Variants in SLC1A3 observed in about 807,000 individuals in gnomAD.
SLC1A3 encodes excitatory amino acid transporter 1.
A neutral mutation model predicts 48.1 loss-of-function variants in SLC1A3; 21 were observed. The observed-to-expected ratio is 0.44, with a 90% CI of 0.31 to 0.63. The LOEUF (loss-of-function observed/expected upper bound fraction) is 0.63. Ranked by LOEUF, SLC1A3 falls within the 20% of genes least tolerant of loss-of-function variation. The pLI is 0.08. For missense variants in SLC1A3, 546 were observed against 689.0 expected, an observed-to-expected ratio of 0.79 and a Z score of 2.32; for synonymous variants, 239 against 251.4, an observed-to-expected ratio of 0.95 and a Z score of 0.47.
At position 36,676,891 on chromosome 5, in the gene SLC1A3, G is replaced by A. The variant is rs755886096; in HGVS notation, c.568-1G>A. The A allele has an allele frequency of 6.2e-7, 1 of 1,611,188 alleles. No individual in the cohort carries two copies. Among genetic ancestry groups the A allele is most frequent in the Non-Finnish European group, 8.5e-7 (1 of 1,178,222 alleles). On this transcript the variant is annotated splice_acceptor_variant, in intron 5 of 9. Coordinates refer to ENST00000265113, the MANE Select transcript of SLC1A3 (RefSeq NM_004172.5). LOFTEE classifies it high-confidence loss of function. ...TCCTCGTTGTGCTTTTTATTTTTAA[G>A]TTTAAAACCAACTATGAGAAGAGAA... is the stretch of plus-strand genomic sequence containing the variant.
In SLC1A3 at chr5:36,606,614, T is replaced by C. The variant is rs1738949293; in HGVS notation, c.-217T>C. On this transcript the variant is annotated 5_prime_UTR_variant, in exon 1 of 10. The change abolishes an upstream ATG in the 5' untranslated region. Coordinates refer to ENST00000265113, the MANE Select transcript of SLC1A3 (RefSeq NM_004172.5). ...TAGTAACTTGCAGTTTCAGAGCACA[T>C]GCACACTGTCAGGGCTAGCCTGCCT... 6.6e-6 allele frequency: 1 copy of C among 152,348 alleles called. No homozygotes were observed. The highest frequency in any genetic ancestry group is 2.1e-4 in the South Asian group (1 of 4,836). The allele number at this position is 152,348 out of a possible 1,614,324, so 9.4% of individuals were successfully genotyped here. A position where few individuals can be genotyped will look rare whatever the true frequency, so the allele number is the denominator to read the frequency against.
At chr5:36,671,283 C>A (rs1463097817) in intron 4 of SLC1A3, 50 bp downstream of exon 4, 2 of 1,322,232 alleles carry the variant, frequency 1.5e-6, no homozygotes, top group African/African-American at 2.9e-5. Context: ...CCATCCAGAC[C>A]CTCTTACTGG....
chr5:36,678,263 G>A (rs1489441712), intron 6 of SLC1A3, among the ~76,000 whole-genome samples: 1 of 152,212 alleles, frequency 6.6e-6, no homozygotes, highest in African/African-American at 2.4e-5. Flanking sequence ...GTACAAGATG[G>A]ATATGAACTT....
intron 3 of SLC1A3, among the ~76,000 whole-genome samples, chr5:36,645,107 C>T (rs1326553924): frequency 1.3e-5 from 2 of 151,940 alleles, no homozygotes; most frequent in African/African-American, 4.8e-5. Context: ...TTGAATTTTA[C>T]ATTCATTATA....
Position 36,629,567 on chromosome 5 carries a change from T to C in SLC1A3, c.299T>C (p.Ile100Thr). Residue 100 changes from isoleucine (I) to threonine (T), a missense_variant, in exon 3 of 10, where the codon ATC becomes ACC. Around this residue, in one of 3 missense-constraint regions of SLC1A3, gnomAD observed 348 missense variants for 392.0 expected, o/e 0.89. Coordinates refer to ENST00000265113, the MANE Select transcript of SLC1A3 (RefSeq NM_004172.5). ...RMLQMLVLPL[I>T]ISSLVTGMAA... The stretch of plus-strand genomic sequence containing the variant: ...TTACAGATGCTGGTCTTACCACTTA[T>C]CATCTCCAGTCTTGTCACAGGTACC... 3.1e-6 allele frequency: 5 copies of C among 1,613,494 alleles called. No homozygotes were observed. Among genetic ancestry groups the C allele is most frequent in the Non-Finnish European group, 4.2e-6 (5 of 1,179,504 alleles).
At chr5:36,642,473 A>G (rs766843434) in intron 3 of SLC1A3, among the ~76,000 whole-genome samples, 6 of 152,334 alleles carry the variant, frequency 3.9e-5, no homozygotes, top group Middle Eastern at 3.4e-3. Flanking sequence ...TTTTATTTGT[A>G]TGATGTCCCT....
intron 3 of SLC1A3, among the ~76,000 whole-genome samples, chr5:36,643,091 G>A (rs1579988047): frequency 6.6e-6 from 1 of 151,914 alleles, no homozygotes; most frequent in East Asian, 1.9e-4. Context: ...CTATTTTTTG[G>A]TTTGGTTTGG....
At chr5:36,624,297 G>T (rs956856700) in intron 2 of SLC1A3, among the ~76,000 whole-genome samples, 2 of 152,186 alleles carry the variant, frequency 1.3e-5, no homozygotes, top group African/African-American at 2.4e-5. Context: ...AAAATATTGT[G>T]TACCCATTTA....
intron 2 of SLC1A3, among the ~76,000 whole-genome samples, chr5:36,616,122 A>G (rs1041408568): frequency 3.9e-5 from 6 of 152,112 alleles, no homozygotes; most frequent in Admixed American, 2.6e-4. Flanking sequence ...TTGAACCGGG[A>G]AGGAGGAGGT....
chr5:36,666,124 C>G (rs1041352612), intron 3 of SLC1A3: 2 of 152,122 alleles, frequency 1.3e-5, no homozygotes, highest in Non-Finnish European at 2.9e-5. Flanking sequence ...CACTCTCTTC[C>G]TAGGATGGCA....
chr5:36,629,353 A>G (rs1740036045), intron 2 of SLC1A3, 97 bp from the exon 3 acceptor site: 1 of 1,065,246 alleles, frequency 9.4e-7, no homozygotes, highest in South Asian at 1.4e-5. Context: ...AATAAATACA[A>G]CCACCAGCCA....
chr5:36,623,107 A>C (rs867840925), intron 2 of SLC1A3, among the ~76,000 whole-genome samples: 1 of 152,150 alleles, frequency 6.6e-6, no homozygotes, highest in Non-Finnish European at 1.5e-5. Flanking sequence ...ATTAGCAAAG[A>C]GAAACTATTT....
At position 36,641,351 on chromosome 5, in the gene SLC1A3, G is replaced by C. The variant is rs531324049; in HGVS notation, c.319+11764G>C. Among the ~76,000 whole-genome samples the C allele has an allele frequency of 2.0e-5, 3 of 152,182 alleles. No homozygotes were observed. In the South Asian group the frequency reaches 6.2e-4, roughly 32 times the overall value. On this transcript the variant is annotated intron_variant, in intron 3 of 9. Coordinates refer to ENST00000265113, the MANE Select transcript of SLC1A3 (RefSeq NM_004172.5). ...TAAGTTTATAACTTTTCCCGAGTTT[G>C]TTTCTGCACTTTAAGGTTTCTTAAC...
intron 3 of SLC1A3, among the ~76,000 whole-genome samples, chr5:36,642,905 T>C (rs1740677479): frequency 6.6e-6 from 1 of 152,246 alleles, no homozygotes; most frequent in African/African-American, 2.4e-5. Context: ...CGTTCCTTTT[T>C]ATAGCTGAAT....
chr5:36,677,020 C>A lies in SLC1A3; in HGVS notation c.696C>A (p.Val232=). The change falls in exon 6 of 10, where the codon GTC becomes GTA. Residue 232 remains valine (V), a synonymous_variant. Transcript: ENST00000265113. ...ETLTRITEEL[V]PVPGSVNGVN... is the part of the protein sequence containing the mutation. ...TTACCCGAATCACAGAGGAGCTGGT[C>A]CCAGTTCCAGGATCTGTGAATGGAG... The A allele has an allele frequency of 6.2e-7, 1 of 1,614,020 alleles. No homozygotes were observed. Among genetic ancestry groups the A allele is most frequent in the East Asian group, 2.2e-5 (1 of 44,868 alleles).
intron 3 of SLC1A3, among the ~76,000 whole-genome samples, chr5:36,643,867 G>A (rs1402441953): frequency 6.6e-6 from 1 of 152,050 alleles, no homozygotes; most frequent in Non-Finnish European, 1.5e-5. Flanking sequence ...GGTGGCATGA[G>A]CCTGTAATCC....
chr5:36,597,930 G>T (rs1290981804), intron 1 of SLC1A3, among the ~76,000 whole-genome samples: 1 of 152,084 alleles, frequency 6.6e-6, no homozygotes, highest in Non-Finnish European at 1.5e-5. Flanking sequence ...CTCTCATGAG[G>T]TCTTCCTCTG....
intron 3 of SLC1A3, among the ~76,000 whole-genome samples, chr5:36,646,176 G>T (rs1347511344): frequency 6.6e-6 from 1 of 152,216 alleles, no homozygotes; most frequent in Admixed American, 6.5e-5. Context: ...TGACATCAAG[G>T]AGGGCAGCAT....
intron 3 of SLC1A3, among the ~76,000 whole-genome samples, chr5:36,655,614 T>G (rs1395666266): frequency 1.3e-5 from 2 of 152,214 alleles, no homozygotes; most frequent in Non-Finnish European, 2.9e-5. Context: ...TGTCATAAAC[T>G]TAACCAGTTT....
Sources: gnomAD v4.1 joint callset for allele counts (sites outside exome capture counted in the v4.1 genomes callset) on GRCh38, gnomAD v4.1.1 for gene constraint, gnomAD v4.1.1 regional missense constraint, MANE v1.5 for transcripts, NCBI Gene and HGNC (gene_info 2026-07-23, HGNC 2026-07-21) for gene names.